Variants in ROBO1 observed in about 807,000 individuals in gnomAD.
ROBO1 encodes the protein roundabout homolog 1.
Under a neutral mutation model 195.9 loss-of-function variants are expected in ROBO1, and 149 were observed. The ratio of observed to expected loss-of-function variants is 0.76; its 90% CI spans 0.67 to 0.87. The LOEUF (loss-of-function observed/expected upper bound fraction) is 0.87, where lower values mean the gene tolerates loss of function less well. Among genes scored for constraint, ROBO1 ranks in the 40% least tolerant of loss-of-function variants. The pLI is 0.00. For missense variants in ROBO1, 1,933 were observed against 2,068.3 expected (o/e 0.93, Z 1.27); for synonymous variants, 816 against 733.2 (o/e 1.11, Z -1.82).
chr3:78,833,942 T>C (rs533920631), intron 4 of ROBO1, among the ~76,000 whole-genome samples: 1 of 152,264 alleles, frequency 6.6e-6, no homozygotes, highest in African/African-American at 2.4e-5. Flanking sequence ...ACATTCAGAC[T>C]TTTGGCAAAC....
chr3:79,762,955 G>A (rs1704792915), intron 1 of ROBO1, among the ~76,000 whole-genome samples: 1 of 152,032 alleles, frequency 6.6e-6, no homozygotes, highest in Non-Finnish European at 1.5e-5. Flanking sequence ...TGAGGCAGAG[G>A]GACATAGCAA....
At chr3:79,332,015 C>T (rs1373136078) in intron 2 of ROBO1, among the ~76,000 whole-genome samples, 1 of 151,742 alleles carries the variant, frequency 6.6e-6, no homozygotes, top group Admixed American at 6.6e-5. Context: ...TGGTGGCGGG[C>T]GCCTGTAGTC....
At chr3:79,737,396 T>C (rs566322458) in intron 1 of ROBO1, among the ~76,000 whole-genome samples, 1 of 152,320 alleles carries the variant, frequency 6.6e-6, no homozygotes, top group Admixed American at 6.5e-5. Context: ...TTATACTTAA[T>C]CTAAGCCTAC....
At chr3:79,387,255 C>A (rs1213853905) in intron 2 of ROBO1, among the ~76,000 whole-genome samples, 1 of 151,796 alleles carries the variant, frequency 6.6e-6, no homozygotes, top group East Asian at 1.9e-4. Flanking sequence ...ATAAGTAAAC[C>A]AGAAAATGAC....
Position 79,560,633 on chromosome 3 carries a change from G to A in ROBO1, c.88+29191C>T, listed in dbSNP as rs942938501. ...GGTAGTGACAGTCAATTAGTCATCC[G>A]AGACCTAGTGGCCCCCTCATCTTCA... is the stretch of plus-strand genomic sequence containing the variant. On this transcript the variant is annotated intron_variant, in intron 2 of 30. Transcript: ENST00000464233. Among the ~76,000 whole-genome samples the A allele has an allele frequency of 9.4e-5, 14 of 148,868 alleles. No homozygotes were observed. The East Asian group carries it at 1.6e-3, about 17-fold the overall frequency.
chr3:79,624,822 T>C (rs1945119119), intron 1 of ROBO1, among the ~76,000 whole-genome samples: 1 of 152,162 alleles, frequency 6.6e-6, no homozygotes. Context: ...TATTCAAGAC[T>C]TGAACTCAAC....
chr3:79,393,505 CTT>C, intron 2 of ROBO1, among the ~76,000 whole-genome samples: 1 of 152,300 alleles, frequency 6.6e-6, no homozygotes, highest in Admixed American at 6.5e-5. Flanking sequence ...TGTTCAATGA[CTT>C]TGTGCATCAG....
chr3:78,864,277 T>C (rs543011054), intron 4 of ROBO1, among the ~76,000 whole-genome samples: 8 of 152,282 alleles, frequency 5.3e-5, no homozygotes, highest in African/African-American at 1.7e-4. Flanking sequence ...AAAGAAATAA[T>C]TCTGGCATCC....
At chr3:79,756,550 CAAAA>C (rs147939503) in intron 1 of ROBO1, among the ~76,000 whole-genome samples, 1,178 of 106,324 alleles carry the variant, frequency 0.011, 9 homozygotes, top group Middle Eastern at 0.033. Context: ...AGCACCATCT[CAAAA>C]AAAAAAAAAA....
intron 1 of ROBO1, among the ~76,000 whole-genome samples, chr3:79,607,578 A>G (rs978410230): frequency 9.8e-5 from 14 of 142,758 alleles, no homozygotes; most frequent in African/African-American, 3.6e-4. Context: ...TCTTCAATCA[A>G]AAACTACAAA....
chr3:78,768,925 T>C (rs1442716183), intron 4 of ROBO1, among the ~76,000 whole-genome samples: 1 of 151,450 alleles, frequency 6.6e-6, no homozygotes, highest in Non-Finnish European at 1.5e-5. Flanking sequence ...TTTTTTGTTC[T>C]TGCGATAGTT....
intron 4 of ROBO1, among the ~76,000 whole-genome samples, chr3:78,920,624 G>GTTTTTTTTTTTTTT (rs34364869): frequency 1.6e-5 from 1 of 60,962 alleles, no homozygotes; most frequent in African/African-American, 7.4e-5. Flanking sequence ...CTTTCTTTCA[G>GTTTTTTTTTTTTTT]TTTTTTTTTT....
At chr3:79,142,969 C>T (rs189406787) in intron 2 of ROBO1, among the ~76,000 whole-genome samples, 39 of 152,176 alleles carry the variant, frequency 2.6e-4, no homozygotes, top group African/African-American at 9.1e-4. Flanking sequence ...TAATCTGCAA[C>T]ATTTGGCATT....
intron 2 of ROBO1, among the ~76,000 whole-genome samples, chr3:79,185,694 T>C (rs2081424928): frequency 6.6e-6 from 1 of 152,090 alleles, no homozygotes; most frequent in African/African-American, 2.4e-5. Context: ...TGAAATTAAT[T>C]TGTTGTTGTC....
chr3:78,868,556 T>A (rs1385908545), intron 4 of ROBO1, among the ~76,000 whole-genome samples: 1 of 152,180 alleles, frequency 6.6e-6, no homozygotes, highest in Non-Finnish European at 1.5e-5. Context: ...GTATTAGAGA[T>A]CACACACTTT....
intron 4 of ROBO1, among the ~76,000 whole-genome samples, chr3:78,914,422 G>A (rs993898883): frequency 6.6e-6 from 1 of 151,900 alleles, no homozygotes; most frequent in African/African-American, 2.4e-5. Flanking sequence ...GAATTTTGTT[G>A]AAAAGGTTTA....
At chr3:78,893,296 G>C (rs1349719177) in intron 4 of ROBO1, among the ~76,000 whole-genome samples, 1 of 152,142 alleles carries the variant, frequency 6.6e-6, no homozygotes, top group Non-Finnish European at 1.5e-5. Context: ...CCTTGTAAAT[G>C]AGACTTCACA....
chr3:78,916,108 G>A (rs1052396342), intron 4 of ROBO1, among the ~76,000 whole-genome samples: 1 of 151,584 alleles, frequency 6.6e-6, no homozygotes, highest in African/African-American at 2.4e-5. Context: ...AAAATTAGCC[G>A]GGTGTGGTGG....
chr3:79,591,539 T>G (rs1944000070), intron 1 of ROBO1, among the ~76,000 whole-genome samples: 1 of 151,904 alleles, frequency 6.6e-6, no homozygotes, highest in African/African-American at 2.4e-5. Context: ...ATTGCCTCAC[T>G]TCTTTGTTTT....
Sources: gnomAD v4.1 joint callset for allele counts (sites outside exome capture counted in the v4.1 genomes callset) on GRCh38, gnomAD v4.1.1 for gene constraint, MANE v1.5 for transcripts, NCBI Gene and HGNC (gene_info 2026-07-23, HGNC 2026-07-21) for gene names.